DCC: variants seen among roughly 807,000 people sequenced by gnomAD.
DCC encodes netrin receptor DCC.
Under a neutral mutation model 172.5 loss-of-function variants are expected in DCC, and 58 were observed. The ratio of observed to expected loss-of-function variants is 0.34; its 90% CI spans 0.27 to 0.42. The LOEUF (loss-of-function observed/expected upper bound fraction) is 0.42, where lower values mean the gene tolerates loss of function less well. Ranked by LOEUF, DCC falls within the 10% of genes least tolerant of loss-of-function variation. The pLI, the probability that DCC is intolerant of heterozygous loss-of-function variation, is 1.00. For synonymous variants in DCC, 709 were observed against 644.5 expected (o/e 1.10, Z -1.52); for missense variants, 1,740 against 1,791.0 (o/e 0.97, Z 0.51).
chr18:52,933,492 G>C (rs959225693), intron 5 of DCC, among the ~76,000 whole-genome samples: 2 of 151,926 alleles, frequency 1.3e-5, no homozygotes, highest in African/African-American at 4.8e-5. Context: ...AATGTGCAAA[G>C]GTCTGGAAAT....
intron 7 of DCC, among the ~76,000 whole-genome samples, chr18:53,129,351 A>C (rs1201430948): frequency 1.3e-5 from 2 of 152,080 alleles, no homozygotes; most frequent in Non-Finnish European, 2.9e-5. Flanking sequence ...AATAAAATGC[A>C]CACATCTCAA....
intron 8 of DCC, among the ~76,000 whole-genome samples, chr18:53,170,588 T>G (rs749292861): frequency 6.6e-6 from 1 of 152,202 alleles, no homozygotes; most frequent in Non-Finnish European, 1.5e-5. Context: ...TTATTTCTTA[T>G]GAAGTTGTGG....
chr18:53,047,268 A>AATTT lies in DCC; in HGVS notation c.986-16037_986-16036insATTT, dbSNP rs1316828025. On this transcript the variant is annotated intron_variant, in intron 5 of 28. Transcript: ENST00000442544. ...TATATATATATATATATATATATAT[A>AATTT]TATATATATATATATATATAATTTT... Among the ~76,000 whole-genome samples, 43 of 17,806 alleles carry AATTT rather than the reference A, an allele frequency of 2.4e-3. 3 individuals are homozygous for AATTT. The highest frequency in any genetic ancestry group is 0.021 in the African/African-American group (42 of 1,980). 11.7% of individuals were successfully genotyped at this position (17,806 alleles called of 152,430 possible).
intron 1 of DCC, among the ~76,000 whole-genome samples, chr18:52,369,222 T>G (rs534497791): frequency 8.9e-4 from 136 of 152,184 alleles, no homozygotes; most frequent in African/African-American, 3.0e-3. Context: ...TAAATTTTAC[T>G]TCTATAATTC....
At chr18:52,410,171 C>T (rs1986797349) in intron 1 of DCC, among the ~76,000 whole-genome samples, 1 of 152,162 alleles carries the variant, frequency 6.6e-6, no homozygotes, top group African/African-American at 2.4e-5. Flanking sequence ...TGCCTGTCAT[C>T]CCAGCACTTT....
At chr18:53,149,377 A>G (rs1307315777) in intron 7 of DCC, among the ~76,000 whole-genome samples, 1 of 152,204 alleles carries the variant, frequency 6.6e-6, no homozygotes, top group Non-Finnish European at 1.5e-5. Context: ...AATATTTTGT[A>G]TCCACTTTTA....
At chr18:52,597,552 T>C (rs2033934255) in intron 1 of DCC, among the ~76,000 whole-genome samples, 1 of 152,212 alleles carries the variant, frequency 6.6e-6, no homozygotes, top group Non-Finnish European at 1.5e-5. Context: ...CTGCCAAAAC[T>C]GGTCTAGAAT....
intron 7 of DCC, among the ~76,000 whole-genome samples, chr18:53,095,243 T>C (rs1175172519): frequency 1.3e-5 from 2 of 152,188 alleles, no homozygotes; most frequent in African/African-American, 4.8e-5. Flanking sequence ...AACCACAGAA[T>C]GAAGTCTGAA....
intron 2 of DCC, among the ~76,000 whole-genome samples, chr18:52,877,272 G>T (rs1250656362): frequency 3.3e-5 from 5 of 152,250 alleles, no homozygotes; most frequent in African/African-American, 9.6e-5. Flanking sequence ...CCCGTCCCTT[G>T]TTGTCACAAC....
At chr18:53,133,272 C>G (rs2043685380) in intron 7 of DCC, among the ~76,000 whole-genome samples, 1 of 152,154 alleles carries the variant, frequency 6.6e-6, no homozygotes, top group Non-Finnish European at 1.5e-5. Context: ...TAAAGCTGCT[C>G]CAGATATAAA....
chr18:52,402,366 C>G (rs1194439019), intron 1 of DCC, among the ~76,000 whole-genome samples: 1 of 151,782 alleles, frequency 6.6e-6, no homozygotes, highest in African/African-American at 2.4e-5. Flanking sequence ...TAGACATGGG[C>G]CTCTATCGCA....
chr18:52,783,427 T>G (rs1246096771), intron 2 of DCC, among the ~76,000 whole-genome samples: 2 of 146,518 alleles, frequency 1.4e-5, no homozygotes, highest in Non-Finnish European at 3.0e-5. Flanking sequence ...GTTTTAATCT[T>G]GGCATCCACA....
chr18:52,938,738 T>C (rs528320895), intron 5 of DCC, among the ~76,000 whole-genome samples: 1 of 152,246 alleles, frequency 6.6e-6, no homozygotes, highest in East Asian at 1.9e-4. Context: ...TGTTGCAATA[T>C]ATTAAACCTA....
At chr18:53,435,917 A>G (rs563258934) in intron 22 of DCC, among the ~76,000 whole-genome samples, 115 of 152,324 alleles carry the variant, frequency 7.5e-4, no homozygotes, top group African/African-American at 2.6e-3. Context: ...GGACTAATGT[A>G]TGTATGAGGC....
intron 7 of DCC, among the ~76,000 whole-genome samples, chr18:53,099,501 T>C (rs2043133170): frequency 6.6e-6 from 1 of 152,180 alleles, no homozygotes; most frequent in Non-Finnish European, 1.5e-5. Flanking sequence ...AATTCTGCCG[T>C]TGCTAGTTTC....
intron 1 of DCC, among the ~76,000 whole-genome samples, chr18:52,629,732 C>T (rs1357465779): frequency 6.6e-6 from 1 of 151,886 alleles, no homozygotes; most frequent in African/African-American, 2.4e-5. Context: ...GGGCAGATCA[C>T]GAGGTCAGGC....
intron 1 of DCC, among the ~76,000 whole-genome samples, chr18:52,578,354 C>T (rs2033464405): frequency 6.6e-6 from 1 of 152,226 alleles, no homozygotes; most frequent in African/African-American, 2.4e-5. Flanking sequence ...ATTTTGCCCA[C>T]ATGTATCACT....
At chr18:53,324,573 G>A (rs1373613987) in intron 14 of DCC, among the ~76,000 whole-genome samples, 1 of 151,940 alleles carries the variant, frequency 6.6e-6, no homozygotes, top group Non-Finnish European at 1.5e-5. Context: ...GAAGTGAAGG[G>A]GAAGCCATGC....
At chr18:52,744,119 T>G (rs935623533) in intron 1 of DCC, among the ~76,000 whole-genome samples, 2 of 151,842 alleles carry the variant, frequency 1.3e-5, no homozygotes, top group East Asian at 3.8e-4. Flanking sequence ...TATTTGATTT[T>G]GAGTAAATAA....
Sources: gnomAD v4.1 joint callset for allele counts (sites outside exome capture counted in the v4.1 genomes callset) on GRCh38, gnomAD v4.1.1 for gene constraint, MANE v1.5 for transcripts, NCBI Gene and HGNC (gene_info 2026-07-23, HGNC 2026-07-21) for gene names.